Variants in PDE4B observed in about 807,000 individuals in gnomAD.
PDE4B encodes 3',5'-cyclic-AMP phosphodiesterase 4B.
PDE4B carries 20 observed loss-of-function variants against 82.2 expected under a neutral mutation model. The observed-to-expected ratio is 0.24, with a 90% CI of 0.17 to 0.35. The LOEUF is 0.35. Ranked by LOEUF, PDE4B falls within the 10% of genes least tolerant of loss-of-function variation. The pLI is 1.00. For synonymous variants in PDE4B, 320 were observed against 318.9 expected (o/e 1.00, Z -0.04); for missense variants, 655 against 907.2 (o/e 0.72, Z 3.57).
intron 8 of PDE4B, among the ~76,000 whole-genome samples, chr1:66,352,888 G>A (rs2101995597): frequency 6.6e-6 from 1 of 152,252 alleles, no homozygotes; most frequent in East Asian, 1.9e-4. Context: ...TGAGACAATT[G>A]TTTGAATGTT....
chr1:65,827,109 C>T (rs895337674), intron 1 of PDE4B, among the ~76,000 whole-genome samples: 15 of 152,168 alleles, frequency 9.9e-5, no homozygotes, highest in Admixed American at 9.2e-4. Context: ...AACAGCCCAA[C>T]ACCTGATTAG....
chr1:65,902,856 A>G (rs747624936), intron 1 of PDE4B, among the ~76,000 whole-genome samples: 2 of 152,210 alleles, frequency 1.3e-5, no homozygotes, highest in Non-Finnish European at 2.9e-5. Flanking sequence ...GCTTTTGCTG[A>G]AACAAAACCA....
chr1:65,934,812 A>T (rs1648034885), intron 3 of PDE4B, among the ~76,000 whole-genome samples: 2 of 152,360 alleles, frequency 1.3e-5, no homozygotes, highest in Admixed American at 1.3e-4. Context: ...GGTCAATTGA[A>T]CAGGAAGATA....
At chr1:66,203,393 T>G (rs1034541538) in intron 3 of PDE4B, among the ~76,000 whole-genome samples, 15 of 152,350 alleles carry the variant, frequency 9.8e-5, no homozygotes, top group African/African-American at 3.1e-4. Flanking sequence ...GAAGTTGGCC[T>G]GCCTTGCTAG....
At chr1:65,857,508 G>A (rs1436198400) in intron 1 of PDE4B, among the ~76,000 whole-genome samples, 1 of 152,118 alleles carries the variant, frequency 6.6e-6, no homozygotes, top group African/African-American at 2.4e-5. Flanking sequence ...TAAGAGAAGC[G>A]ATGTGGATAC....
intron 3 of PDE4B, among the ~76,000 whole-genome samples, chr1:66,215,786 A>G (rs920381877): frequency 6.6e-6 from 1 of 152,088 alleles, no homozygotes; most frequent in African/African-American, 2.4e-5. Flanking sequence ...TGCCTCCCCT[A>G]TTCTTTCTGG....
chr1:65,817,135 A>G (rs1046424922), intron 1 of PDE4B, among the ~76,000 whole-genome samples: 5 of 152,236 alleles, frequency 3.3e-5, no homozygotes, highest in African/African-American at 1.2e-4. Flanking sequence ...TGTTAAGCAG[A>G]GAACCAAGAG....
At chr1:65,931,322 C>T (rs1473920631) in intron 3 of PDE4B, among the ~76,000 whole-genome samples, 2 of 152,012 alleles carry the variant, frequency 1.3e-5, no homozygotes, top group Non-Finnish European at 2.9e-5. Flanking sequence ...TCCTTTATAG[C>T]AATACGAGAA....
chr1:66,123,748 C>T (rs1056147252), intron 3 of PDE4B, among the ~76,000 whole-genome samples: 1 of 152,176 alleles, frequency 6.6e-6, no homozygotes, highest in African/African-American at 2.4e-5. Flanking sequence ...TGCCTTTAGG[C>T]CAAGAGCAGA....
At chr1:66,006,185 T>C (rs1011365226) in intron 3 of PDE4B, among the ~76,000 whole-genome samples, 1 of 152,186 alleles carries the variant, frequency 6.6e-6, no homozygotes, top group Non-Finnish European at 1.5e-5. Context: ...GCTAAGATAA[T>C]TGTTTTGGGT....
chr1:66,106,386 G>T (rs1200683184), intron 3 of PDE4B, among the ~76,000 whole-genome samples: 2 of 152,060 alleles, frequency 1.3e-5, no homozygotes, highest in Admixed American at 6.6e-5. Context: ...CAAGGATATT[G>T]GTCTAAATTT....
chr1:65,933,215 A>T (rs1025844349), intron 3 of PDE4B, among the ~76,000 whole-genome samples: 6 of 152,188 alleles, frequency 3.9e-5, no homozygotes, highest in Admixed American at 3.9e-4. Flanking sequence ...CAGAAAAGTG[A>T]TTTGTCATGT....
At position 65,912,540 on chromosome 1, in the gene PDE4B, A is replaced by G. The variant is rs74083928; in HGVS notation, c.-70-705A>G. On this transcript the variant is annotated intron_variant, in intron 1 of 16. Coordinates refer to ENST00000341517, the MANE Select transcript of PDE4B (RefSeq NM_002600.4). ...TGATCTACACAAAGCCAATGTCATG[A>G]ACTACAGCATCTCTATCTCAAAATA... is the stretch of plus-strand genomic sequence containing the variant. Among the ~76,000 whole-genome samples the G allele has an allele frequency of 3.1e-3, 468 of 152,316 alleles. 2 individuals are homozygous for G. The highest frequency in any genetic ancestry group is 0.011 in the African/African-American group (454 of 41,574).
chr1:66,151,043 C>T (rs188940989), intron 3 of PDE4B, among the ~76,000 whole-genome samples: 159 of 152,174 alleles, frequency 1.0e-3, no homozygotes, highest in African/African-American at 3.8e-3. Flanking sequence ...TAGTACTGAC[C>T]TCAGATAATG....
intron 1 of PDE4B, among the ~76,000 whole-genome samples, chr1:65,846,351 A>G (rs933754324): frequency 6.6e-6 from 1 of 152,236 alleles, no homozygotes; most frequent in Non-Finnish European, 1.5e-5. Context: ...AGAATAAAGT[A>G]TATTTTAATA....
intron 1 of PDE4B, among the ~76,000 whole-genome samples, chr1:65,881,285 T>C (rs1646705357): frequency 6.6e-6 from 1 of 152,222 alleles, no homozygotes. Flanking sequence ...ACCAAAGTCC[T>C]GTTCACTTTC....
Position 65,797,249 on chromosome 1 carries a change from C to T in PDE4B, c.-71+4001C>T, listed in dbSNP as rs780104564. Among the ~76,000 whole-genome samples the T allele has an allele frequency of 5.3e-5, 8 of 152,244 alleles. No individual in the cohort carries two copies. The East Asian group carries it at 7.7e-4, about 15-fold the overall frequency. ...GATTACAGGTGTGAGCCACTGCGCC[C>T]GGCCAACATTTTTAGAATAAATGCT... On this transcript the variant is annotated intron_variant, in intron 1 of 16. Transcript: ENST00000341517.
chr1:65,952,615 G>A (rs1353763525), intron 3 of PDE4B, among the ~76,000 whole-genome samples: 1 of 152,060 alleles, frequency 6.6e-6, no homozygotes, highest in Admixed American at 6.6e-5. Flanking sequence ...CCCAGAGATG[G>A]AGGTTTCAGT....
At chr1:65,991,230 G>A (rs564264268) in intron 3 of PDE4B, among the ~76,000 whole-genome samples, 5 of 151,826 alleles carry the variant, frequency 3.3e-5, no homozygotes, top group Non-Finnish European at 5.9e-5. Flanking sequence ...GGTGTGTGCC[G>A]TCAAGCCTGG....
Sources: allele counts gnomAD v4.1 joint callset (sites outside exome capture counted in the v4.1 genomes callset), GRCh38; gene constraint gnomAD v4.1.1; transcripts MANE v1.5; gene names NCBI Gene and HGNC (gene_info 2026-07-23, HGNC 2026-07-21).